Variants in LIN28A observed in about 807,000 individuals in gnomAD.
The protein encoded by LIN28A is lin-28 RNA binding posttranscriptional regulator A, also known as protein lin-28 homolog A.
LIN28A carries 11 observed loss-of-function variants against 21.1 expected under a neutral mutation model. The observed-to-expected ratio is 0.52, with a 90% CI of 0.33 to 0.86. The LOEUF (loss-of-function observed/expected upper bound fraction) is 0.86, where lower values mean the gene tolerates loss of function less well. LIN28A is among the 40% of genes least tolerant of loss of function. LIN28A has a pLI of 0.03. For synonymous variants in LIN28A, 111 were observed against 108.7 expected, an observed-to-expected ratio of 1.02 and a Z score of -0.13; for missense variants, 219 against 279.8, an observed-to-expected ratio of 0.78 and a Z score of 1.55.
intron 2 of LIN28A, among the ~76,000 whole-genome samples, chr1:26,420,572 T>A (rs976536452): frequency 7.2e-6 from 1 of 139,132 alleles, no homozygotes; most frequent in Non-Finnish European, 1.5e-5. Flanking sequence ...TCACTGCACT[T>A]CAGCATGGGC....
At position 26,410,843 on chromosome 1, in the gene LIN28A, C is replaced by T. The variant is rs2074953197; in HGVS notation, c.-49C>T. ...CTTTGCCTTCGGACTTCTCCGGGGC[C>T]AGCAGCCGCCCGACCAGGGGCCCGG... On this transcript the variant is annotated 5_prime_UTR_variant, in exon 1 of 4. Transcript: ENST00000326279. The T allele has an allele frequency of 6.2e-7, 1 of 1,604,988 alleles. No homozygotes were observed. The highest frequency in any genetic ancestry group is 1.1e-5 in the South Asian group (1 of 90,878).
Position 26,426,898 on chromosome 1 carries a change from GT to G in LIN28A, c.*449del, listed in dbSNP as rs901828873. The G allele has an allele frequency of 5.1e-5, 9 of 176,504 alleles. No individual in the cohort carries two copies. Among genetic ancestry groups the G allele is most frequent in the East Asian group, 1.5e-4 (1 of 6,500 alleles). 10.9% of individuals were successfully genotyped at this position (176,504 alleles called of 1,614,324 possible). A position where few individuals can be genotyped will look rare whatever the true frequency, so the allele number is the denominator to read the frequency against. Reference sequence around the variant, plus strand: ...AGGAGATCTCTCAGGAGTAAGCATTGTTTTTTTTTCACATCTTGTATCCTCA... The same window carrying G: ...AGGAGATCTCTCAGGAGTAAGCATTGTTTTTTTTCACATCTTGTATCCTCA... On this transcript the variant is annotated 3_prime_UTR_variant, in exon 4 of 4. Transcript: ENST00000326279.
At position 26,429,187 on chromosome 1, in the gene LIN28A, AAC is replaced by A. The variant is rs1241947843; in HGVS notation, c.*2734_*2735del. 1.2e-5 allele frequency: 2 copies of A among 162,336 alleles called. No individual in the cohort carries two copies. Among genetic ancestry groups the A allele is most frequent in the African/African-American group, 4.8e-5 (2 of 41,588 alleles). 10.1% of individuals were successfully genotyped at this position (162,336 alleles called of 1,614,324 possible). On this transcript the variant is annotated 3_prime_UTR_variant, in exon 4 of 4. Transcript: ENST00000326279. Reference sequence around the variant, plus strand: ...CTCAAACAAAACAAAACAAAACAAAAACACACTACTGTATTTTGGATGGATCA... The same window carrying A: ...CTCAAACAAAACAAAACAAAACAAAAACACTACTGTATTTTGGATGGATCA...
chr1:26,411,881 G>C lies in LIN28A; in HGVS notation c.228+299G>C, dbSNP rs911907791. ...GGCAGGGAGGTGACCCCATGTGGCA[G>C]AAACTAAGGTTGTATTGTGCTTGCC... On this transcript the variant is annotated intron_variant, in intron 2 of 3. Transcript: ENST00000326279. The surrounding 1 kb of genome is among the most constrained non-coding windows in gnomAD (Gnocchi z 5.4). 5.3e-5 allele frequency among the ~76,000 whole-genome samples: 8 copies of C among 152,152 alleles called. No individual in the cohort carries two copies. The South Asian group carries it at 6.2e-4, about 12-fold the overall frequency.
At chr1:26,415,734 G>A (rs1239370316) in intron 2 of LIN28A, among the ~76,000 whole-genome samples, 1 of 151,986 alleles carries the variant, frequency 6.6e-6, no homozygotes, top group Non-Finnish European at 1.5e-5. Context: ...CACTATGAAA[G>A]TTTGTGGAGT....
At chr1:26,421,831 C>A (rs2075030088) in intron 2 of LIN28A, among the ~76,000 whole-genome samples, 1 of 152,072 alleles carries the variant, frequency 6.6e-6, no homozygotes, top group Admixed American at 6.5e-5. Context: ...AGAACAATAC[C>A]CAACACTCCC....
Position 26,423,501 on chromosome 1 carries a change from C to G in LIN28A, c.229-1802C>G, listed in dbSNP as rs376855162. Among the ~76,000 whole-genome samples, 16 of 146,430 alleles carry G rather than the reference C, an allele frequency of 1.1e-4. 1 individual carries two copies. The East Asian group carries it at 3.3e-3, about 30-fold the overall frequency. ...CTTGGCTCACCGCAACCTCCGCCTCCCGGGTTCAAGTGATTCTCCTACCTC... is the reference window on the plus strand; with the variant it reads ...CTTGGCTCACCGCAACCTCCGCCTCGCGGGTTCAAGTGATTCTCCTACCTC... On this transcript the variant is annotated intron_variant, in intron 2 of 3. Transcript: ENST00000326279.
At chr1:26,422,924 AG>A (rs2075035470) in intron 2 of LIN28A, among the ~76,000 whole-genome samples, 1 of 151,424 alleles carries the variant, frequency 6.6e-6, no homozygotes, top group Non-Finnish European at 1.5e-5. Context: ...ATGTATTCTG[AG>A]GGTTTTGGTG....
intron 3 of LIN28A, among the ~76,000 whole-genome samples, chr1:26,425,725 T>C (rs1251510543): frequency 1.3e-5 from 2 of 152,146 alleles, no homozygotes; most frequent in Non-Finnish European, 2.9e-5. Flanking sequence ...GCCTCAATTG[T>C]TAAGTGAGGC....
At position 26,410,901 on chromosome 1, in the gene LIN28A, G is replaced by A. The variant is rs372289892; in HGVS notation, c.10G>A (p.Val4Met). ...GGCTCAGCCGACGACCATGGGCTCC[G>A]TGTCCAACCAGCAGTTTGCAGGTTC... MGS[V>M]SNQQFAGGCA... Residue 4 changes from valine (V) to methionine (M), a missense_variant, in exon 1 of 4, where the codon GTG (valine) becomes ATG (methionine). Val to Met is a conservative substitution (Grantham distance 21). Transcript: ENST00000326279. 1.2e-5 allele frequency: 20 copies of A among 1,608,646 alleles called. No individual in the cohort carries two copies. The highest frequency in any genetic ancestry group is 1.7e-6 in the Non-Finnish European group (2 of 1,178,618).
rs1203952506 is a variant in LIN28A at position 26,427,926 on chromosome 1, C to T, written c.*1468C>T. 6.6e-6 allele frequency: 1 copy of T among 152,554 alleles called. No individual in the cohort carries two copies. Among genetic ancestry groups the T allele is most frequent in the Non-Finnish European group, 1.5e-5 (1 of 68,048 alleles). 9.5% of individuals were successfully genotyped at this position (152,554 alleles called of 1,614,324 possible). A position where few individuals can be genotyped will look rare whatever the true frequency, so the allele number is the denominator to read the frequency against. ...TAGCTAAAGGAGAAAAAGGGGGTTT[C>T]GTTTACACGCTGTGAGATCACCGCA... On this transcript the variant is annotated 3_prime_UTR_variant, in exon 4 of 4. Coordinates refer to ENST00000326279, the MANE Select transcript of LIN28A (RefSeq NM_024674.6).
intron 2 of LIN28A, among the ~76,000 whole-genome samples, chr1:26,424,985 C>T (rs1447370159): frequency 1.3e-5 from 2 of 152,160 alleles, no homozygotes; most frequent in Non-Finnish European, 2.9e-5. Flanking sequence ...TCAGGTGATC[C>T]TCCCGCCTCA....
chr1:26,414,401 A>G (rs2074981548), intron 2 of LIN28A, among the ~76,000 whole-genome samples: 1 of 152,126 alleles, frequency 6.6e-6, no homozygotes, highest in Non-Finnish European at 1.5e-5. Context: ...AAGGCAATTT[A>G]AAAACATTTT....
chr1:26,419,936 A>G (rs1272019084), intron 2 of LIN28A, among the ~76,000 whole-genome samples: 1 of 152,090 alleles, frequency 6.6e-6, no homozygotes, highest in African/African-American at 2.4e-5. Context: ...CACCCCGCTC[A>G]ATAAAAAATA....
At position 26,420,452 on chromosome 1, in the gene LIN28A, A is replaced by G. The variant is rs145320640; in HGVS notation, c.229-4851A>G. Among the ~76,000 whole-genome samples the G allele has an allele frequency of 8.9e-3, 1,361 of 152,164 alleles. 16 individuals carry two copies. Among genetic ancestry groups the G allele is most frequent in the African/African-American group, 0.031 (1,282 of 41,518 alleles). On this transcript the variant is annotated intron_variant, in intron 2 of 3. Transcript: ENST00000326279. ...AATAAGGTGAAACCCTGTCTCTACT[A>G]GAAATACAAAAATTAGCTGGGTGTG...
intron 2 of LIN28A, among the ~76,000 whole-genome samples, chr1:26,415,321 G>T (rs975439867): frequency 2.6e-5 from 4 of 152,120 alleles, no homozygotes; most frequent in Admixed American, 2.0e-4. Context: ...CAGGGTCTAG[G>T]TTAGGACTGC....
chr1:26,423,347 A>G (rs1212881741), intron 2 of LIN28A, among the ~76,000 whole-genome samples: 1 of 138,586 alleles, frequency 7.2e-6, no homozygotes, highest in Non-Finnish European at 1.6e-5. Flanking sequence ...TGCCTGGCCT[A>G]TTCTGTTTGT....
chr1:26,417,005 G>A (rs1327702906), intron 2 of LIN28A, among the ~76,000 whole-genome samples: 1 of 131,294 alleles, frequency 7.6e-6, no homozygotes, highest in East Asian at 2.6e-4. Flanking sequence ...AAAAGTCTAG[G>A]AACCTTTCAT....
In LIN28A at chr1:26,411,945, T is replaced by C. The variant is rs1024952853; in HGVS notation, c.228+363T>C. Among the ~76,000 whole-genome samples the C allele has an allele frequency of 6.6e-6, 1 of 152,136 alleles. No homozygotes were observed. The highest frequency in any genetic ancestry group is 2.4e-5 in the African/African-American group (1 of 41,424). ...CGAGCAGGCCGGCCAGGGAAGCACA[T>C]GCCGGGCCTAAGCCGGGAGCCCAGC... On this transcript the variant is annotated intron_variant, in intron 2 of 3. Transcript: ENST00000326279. This position sits in a 1 kb window ranked among gnomAD's most constrained non-coding sequence, Gnocchi z 5.4.
Sources: allele counts gnomAD v4.1 joint callset (sites outside exome capture counted in the v4.1 genomes callset), GRCh38; gene constraint gnomAD v4.1.1; non-coding constraint Gnocchi (gnomAD v3.1); transcripts MANE v1.5; gene names NCBI Gene and HGNC (gene_info 2026-07-23, HGNC 2026-07-21).